NEBL: variants seen among roughly 807,000 people sequenced by gnomAD.
NEBL encodes the protein nebulette, also known as LIM and SH3 protein 2.
NEBL carries 122 observed loss-of-function variants against 140.2 expected under a neutral mutation model. The ratio of observed to expected loss-of-function variants is 0.87; its 90% CI spans 0.75 to 1.01. The LOEUF (loss-of-function observed/expected upper bound fraction) is 1.01, where lower values mean the gene tolerates loss of function less well. Ranked by LOEUF, NEBL falls within the 50% of genes least tolerant of loss-of-function variation. NEBL has a pLI of 0.00. For synonymous variants in NEBL, 436 were observed against 398.9 expected (o/e 1.09, Z -1.11); for missense variants, 1,365 against 1,231.3 (o/e 1.11, Z -1.62).
chr10:21,212,548 G>A (rs543412163), intron 3 of NEBL, among the ~76,000 whole-genome samples: 1 of 152,322 alleles, frequency 6.6e-6, no homozygotes, highest in South Asian at 2.1e-4. Flanking sequence ...CCCATTTTCT[G>A]TTAAGGAAGT....
chr10:21,285,423 G>C (rs191976155), intron 1 of NEBL, among the ~76,000 whole-genome samples: 1 of 152,190 alleles, frequency 6.6e-6, no homozygotes, highest in Non-Finnish European at 1.5e-5. Context: ...TTCCTTTCTC[G>C]CCTACCTGGA....
At chr10:20,923,952 C>T (rs1387160560) in intron 4 of NEBL, among the ~76,000 whole-genome samples, 2 of 152,094 alleles carry the variant, frequency 1.3e-5, no homozygotes, top group African/African-American at 4.8e-5. Flanking sequence ...TTTTCTAATT[C>T]ATCTGGGTGT....
intron 3 of NEBL, among the ~76,000 whole-genome samples, chr10:20,966,563 C>T (rs1339625356): frequency 1.3e-5 from 2 of 152,164 alleles, no homozygotes; most frequent in African/African-American, 4.8e-5. Flanking sequence ...AAAGTGTGCA[C>T]CCTTAGTGAC....
chr10:21,231,312 G>A (rs1842246170), intron 3 of NEBL, among the ~76,000 whole-genome samples: 1 of 152,106 alleles, frequency 6.6e-6, no homozygotes, highest in Non-Finnish European at 1.5e-5. Flanking sequence ...GGCTGAGGTG[G>A]GCAGATCACC....
chr10:21,208,866 A>G (rs2132233564), intron 3 of NEBL, among the ~76,000 whole-genome samples: 1 of 152,290 alleles, frequency 6.6e-6, no homozygotes. Flanking sequence ...CAGTTTGGTA[A>G]ACAACCAGCC....
At chr10:21,250,489 C>T (rs1842573678) in intron 2 of NEBL, among the ~76,000 whole-genome samples, 1 of 152,276 alleles carries the variant, frequency 6.6e-6, no homozygotes. Context: ...CTTAATAAAC[C>T]ACCCTTTATA....
At chr10:20,787,670 G>A (rs940005057) in intron 26 of NEBL, among the ~76,000 whole-genome samples, 4 of 152,108 alleles carry the variant, frequency 2.6e-5, no homozygotes, top group African/African-American at 9.7e-5. Context: ...AGAAAAATAA[G>A]AATTTTAAAG....
intron 1 of NEBL, among the ~76,000 whole-genome samples, chr10:21,271,560 T>G (rs2132289628): frequency 6.6e-6 from 1 of 151,896 alleles, no homozygotes; most frequent in East Asian, 1.9e-4. Context: ...GAGTTCCACT[T>G]TGTCATCCAG....
chr10:21,176,722 A>T (rs865873286), upstream of NEBL, among the ~76,000 whole-genome samples: 5 of 152,250 alleles, frequency 3.3e-5, no homozygotes, highest in Middle Eastern at 3.4e-3. Flanking sequence ...CTCTACCCCA[A>T]TATCTCTACT....
chr10:21,205,761 G>T (rs1300711305), intron 3 of NEBL, among the ~76,000 whole-genome samples: 1 of 152,026 alleles, frequency 6.6e-6, no homozygotes, highest in Non-Finnish European at 1.5e-5. Flanking sequence ...ATAAGTATTA[G>T]ATACTAACCA....
At chr10:20,963,270 T>C (rs1033384167) in intron 3 of NEBL, among the ~76,000 whole-genome samples, 2 of 152,152 alleles carry the variant, frequency 1.3e-5, no homozygotes, top group African/African-American at 4.8e-5. Flanking sequence ...TCTCAGCGTT[T>C]AATGCCTAAC....
At chr10:20,826,572 G>A in intron 17 of NEBL, 33 bp from the exon 18 acceptor site, 1 of 1,520,122 alleles carries the variant, frequency 6.6e-7, no homozygotes, top group Non-Finnish European at 9.1e-7. Context: ...GAATAACTAA[G>A]CTTGTCAGAA....
chr10:20,876,104 T>C (rs1280470017), intron 5 of NEBL, among the ~76,000 whole-genome samples: 1 of 152,222 alleles, frequency 6.6e-6, no homozygotes, highest in African/African-American at 2.4e-5. Flanking sequence ...ATTGTAAATA[T>C]TATTTTTCTG....
intron 3 of NEBL, among the ~76,000 whole-genome samples, chr10:20,969,408 T>A (rs1303552595): frequency 6.6e-6 from 1 of 151,816 alleles, no homozygotes; most frequent in African/African-American, 2.4e-5. Context: ...ATATTTACTG[T>A]TTTGTCAGTT....
intron 2 of NEBL, chr10:21,113,290 T>TAAAAAAAAAAAAAAAAAAAAAA (rs56366013): frequency 4.8e-4 from 60 of 123,944 alleles, no homozygotes; most frequent in African/African-American, 1.1e-3. Context: ...ATGAGAATCC[T>TAAAAAAAAAAAAAAAAAAAAAA]AAAAAAAAAA....
intron 4 of NEBL, among the ~76,000 whole-genome samples, chr10:20,932,662 C>A (rs1179501938): frequency 6.6e-6 from 1 of 152,208 alleles, no homozygotes; most frequent in Admixed American, 6.5e-5. Context: ...ATAGCATTTT[C>A]TAAAAATCAT....
rs531191547 is a variant in NEBL at position 21,112,706 on chromosome 10, C to T, written c.164+59677G>A. ...TGTATACCTATATAACAAACCTGTGCATTGTGCACATGTACCCTAGAACTT... is the reference window on the plus strand; with the variant it reads ...TGTATACCTATATAACAAACCTGTGTATTGTGCACATGTACCCTAGAACTT... On this transcript the variant is annotated intron_variant, in intron 2 of 6. Coordinates refer to the NEBL transcript ENST00000417816. 7.2e-5 allele frequency: 11 copies of T among 152,858 alleles called. No individual in the cohort carries two copies. The Admixed American group carries it at 7.3e-4, about 10-fold the overall frequency. 9.5% of individuals were successfully genotyped at this position (152,858 alleles called of 1,614,324 possible).
intron 2 of NEBL, among the ~76,000 whole-genome samples, chr10:21,086,143 T>C (rs1404625421): frequency 6.6e-6 from 1 of 152,194 alleles, no homozygotes; most frequent in Non-Finnish European, 1.5e-5. Flanking sequence ...TTGTTGCCCA[T>C]TTTCACAATT....
rs75938474 is a variant in NEBL, at chr10:20,822,995, A to G, written c.1962+213T>C. Among the ~76,000 whole-genome samples the G allele has an allele frequency of 0.057, 8,682 of 152,184 alleles. 336 individuals carry two copies. Among genetic ancestry groups the G allele is most frequent in the Middle Eastern group, 0.13 (38 of 294 alleles). ...ATTCCACTCTGTATGTCTGAATAAT[A>G]TGTGTCTTTAATAAATAAATGCTGA... On this transcript the variant is annotated intron_variant, in intron 19 of 27. Transcript: ENST00000377122.
Sources: allele counts gnomAD v4.1 joint callset (sites outside exome capture counted in the v4.1 genomes callset), GRCh38; gene constraint gnomAD v4.1.1; transcripts MANE v1.5; gene names NCBI Gene and HGNC (gene_info 2026-07-23, HGNC 2026-07-21).